NPM1: variants seen among roughly 807,000 people sequenced by gnomAD.
NPM1 encodes nucleophosmin 1.
Under a neutral mutation model 44.1 loss-of-function variants are expected in NPM1, and 1 was observed. The observed-to-expected ratio is 0.02, with a 90% CI of 0.01 to 0.11. The LOEUF (loss-of-function observed/expected upper bound fraction) is 0.11. NPM1 is among the 10% of genes least tolerant of loss of function. The pLI is 1.00. For synonymous variants in NPM1, 126 were observed against 111.8 expected, an observed-to-expected ratio of 1.13 and a Z score of -0.80; for missense variants, 197 against 347.8, an observed-to-expected ratio of 0.57 and a Z score of 3.45.
At chr5:171,391,481 A>T (rs541367715) in intron 3 of NPM1, 57 bp downstream of exon 3, 2 of 1,591,566 alleles carry the variant, frequency 1.3e-6, no homozygotes, top group Non-Finnish European at 1.7e-6. Context: ...GTTTTAAGGT[A>T]GGTTTGGTGT....
intron 9 of NPM1, among the ~76,000 whole-genome samples, chr5:171,406,092 A>G (rs1771546127): frequency 6.6e-6 from 1 of 152,132 alleles, no homozygotes; most frequent in African/African-American, 2.4e-5. Context: ...TTCTATGAAT[A>G]ATACTTTTAG....
Position 171,403,402 on chromosome 5 carries a change from A to C in NPM1, c.670-1900A>C, listed in dbSNP as rs1771340412. On this transcript the variant is annotated intron_variant, in intron 8 of 10. Transcript: ENST00000296930. The stretch of plus-strand genomic sequence containing the variant: ...ACAAAATGAAAAGTCTCCCATGTCT[A>C]CTTCTTTCTACACAGACACGGCAAC... Among the ~76,000 whole-genome samples, 3 of 109,396 alleles carry C rather than the reference A, an allele frequency of 2.7e-5. No homozygotes were observed. The South Asian group carries it at 9.8e-4, about 36-fold the overall frequency. 71.8% of individuals were successfully genotyped at this position (109,396 alleles called of 152,430 possible).
chr5:171,388,565 C>T (rs1201120430), intron 1 of NPM1, among the ~76,000 whole-genome samples: 2 of 124,492 alleles, frequency 1.6e-5, no homozygotes, highest in Non-Finnish European at 3.2e-5. Context: ...AGGCCGCAAC[C>T]GCTGGGAGCA....
intron 2 of NPM1, among the ~76,000 whole-genome samples, chr5:171,390,728 T>G (rs1581238006): frequency 2.7e-5 from 1 of 36,618 alleles, no homozygotes; most frequent in African/African-American, 6.8e-5. Context: ...ACCTTTCCTG[T>G]TTTTTTTTTT....
At chr5:171,405,492 T>A (rs1437215290) in intron 9 of NPM1, 89 bp downstream of exon 9, 4 of 701,620 alleles carry the variant, frequency 5.7e-6, no homozygotes, top group Non-Finnish European at 1.0e-5. Flanking sequence ...CTTGTTTTTT[T>A]GTTTGTTTTG....
intron 6 of NPM1, among the ~76,000 whole-genome samples, chr5:171,398,862 T>C (rs1255649751): frequency 1.3e-5 from 2 of 152,168 alleles, no homozygotes; most frequent in African/African-American, 4.8e-5. Context: ...CTCTGTGGTT[T>C]TTATTTATTT....
intron 9 of NPM1, chr5:171,405,642 C>T: frequency 2.2e-6 from 1 of 461,936 alleles, no homozygotes; most frequent in South Asian, 2.4e-5. Flanking sequence ...ACGTAGTGCA[C>T]TGGTTGCAAG....
At chr5:171,406,022 G>C (rs1387401091) in intron 9 of NPM1, among the ~76,000 whole-genome samples, 1 of 152,124 alleles carries the variant, frequency 6.6e-6, no homozygotes, top group Non-Finnish European at 1.5e-5. Context: ...TGGGGGATTT[G>C]AGTAGGATAT....
intron 4 of NPM1, among the ~76,000 whole-genome samples, chr5:171,392,245 AATT>A (rs1183277546): frequency 6.6e-6 from 1 of 152,144 alleles, no homozygotes; most frequent in African/African-American, 2.4e-5. Context: ...CTGGCCTAAA[AATT>A]ATTTTTTAAT....
chr5:171,409,913 G>T (rs537014252), intron 10 of NPM1, among the ~76,000 whole-genome samples: 7 of 151,908 alleles, frequency 4.6e-5, no homozygotes, highest in Admixed American at 2.0e-4. Flanking sequence ...TCCCACCTCA[G>T]CCTCCTGAGT....
chr5:171,405,168 A>G, intron 8 of NPM1, 134 bp from the exon 9 acceptor site: 3 of 611,204 alleles, frequency 4.9e-6, no homozygotes, highest in South Asian at 4.3e-5. Context: ...GAATTTATTG[A>G]TGATAATTCC....
At chr5:171,399,390 C>T (rs925735357) in intron 6 of NPM1, among the ~76,000 whole-genome samples, 3 of 152,144 alleles carry the variant, frequency 2.0e-5, no homozygotes, top group African/African-American at 7.2e-5. Context: ...GGACTACAGG[C>T]GCACACCACC....
intron 6 of NPM1, among the ~76,000 whole-genome samples, chr5:171,399,619 A>G (rs1001906877): frequency 1.5e-4 from 23 of 151,992 alleles, no homozygotes; most frequent in African/African-American, 5.1e-4. Flanking sequence ...TTTAACCTGT[A>G]TATTCGGGGA....
chr5:171,390,296 T>A, intron 2 of NPM1, 166 bp downstream of exon 2: 1 of 476,198 alleles, frequency 2.1e-6, no homozygotes, highest in Non-Finnish European at 3.7e-6. Context: ...TTTGAAGAAC[T>A]TGGCATCTAT....
Position 171,389,218 on chromosome 5 carries a change from T to C in NPM1, c.59-833T>C, listed in dbSNP as rs1370309674. 2.6e-5 allele frequency among the ~76,000 whole-genome samples: 4 copies of C among 152,266 alleles called. No individual in the cohort carries two copies. The East Asian group carries it at 7.7e-4, about 29-fold the overall frequency. ...CAGACTTTGAAGTAAATGCAAATCC[T>C]ACCGTGAATTTTATCTTGTTCATTA... On this transcript the variant is annotated intron_variant, in intron 1 of 10. Coordinates refer to ENST00000296930, the MANE Select transcript of NPM1 (RefSeq NM_002520.7).
At chr5:171,397,936 C>CT (rs748451057) in intron 6 of NPM1, among the ~76,000 whole-genome samples, 1 of 59,644 alleles carries the variant, frequency 1.7e-5, no homozygotes, top group African/African-American at 4.9e-5. Flanking sequence ...ATTACAGGCA[C>CT]CCCCCCCACC....
intron 6 of NPM1, among the ~76,000 whole-genome samples, chr5:171,397,074 A>G (rs1164385457): frequency 1.3e-5 from 2 of 152,196 alleles, no homozygotes; most frequent in East Asian, 1.9e-4. Flanking sequence ...ATCGTACTCT[A>G]TAGGTATTAC....
chr5:171,401,534 T>G (rs1452931328), intron 8 of NPM1, among the ~76,000 whole-genome samples: 2 of 152,100 alleles, frequency 1.3e-5, no homozygotes, highest in African/African-American at 4.8e-5. Context: ...CTTCCCGGGT[T>G]CAAGCGATTC....
chr5:171,409,140 A>G (rs547254141), intron 10 of NPM1, among the ~76,000 whole-genome samples: 7 of 152,170 alleles, frequency 4.6e-5, no homozygotes, highest in Non-Finnish European at 1.0e-4. Flanking sequence ...TCTAGAATTG[A>G]AAGTGTTCTC....
Sources: gnomAD v4.1 joint callset for allele counts (sites outside exome capture counted in the v4.1 genomes callset) on GRCh38, gnomAD v4.1.1 for gene constraint, MANE v1.5 for transcripts, NCBI Gene and HGNC (gene_info 2026-07-23, HGNC 2026-07-21) for gene names.